The following CCDC178 variants were observed in gnomAD, a reference collection of about 807,000 sequenced individuals.
CCDC178 encodes coiled-coil domain-containing protein 178.
A neutral mutation model predicts 117.4 loss-of-function variants in CCDC178; 126 were observed. The ratio of observed to expected loss-of-function variants is 1.07; its 90% CI spans 0.93 to 1.24. CCDC178 has a LOEUF of 1.24. Ranked by LOEUF, CCDC178 falls within the 50% of genes most tolerant of loss-of-function variation. CCDC178 has a pLI of 0.00. For missense variants in CCDC178, 1,030 were observed against 986.9 expected, an observed-to-expected ratio of 1.04 and a Z score of -0.59; for synonymous variants, 283 against 313.4, an observed-to-expected ratio of 0.90 and a Z score of 1.02.
intron 14 of CCDC178, among the ~76,000 whole-genome samples, chr18:33,257,676 C>T (rs1031665350): frequency 6.6e-6 from 1 of 152,096 alleles, no homozygotes; most frequent in Non-Finnish European, 1.5e-5. Context: ...TTCATGTTCT[C>T]CATTGTCCAT....
intron 18 of CCDC178, among the ~76,000 whole-genome samples, chr18:33,216,504 A>G (rs2059167040): frequency 6.6e-6 from 1 of 152,078 alleles, no homozygotes; most frequent in Non-Finnish European, 1.5e-5. Flanking sequence ...CCCCACATTC[A>G]GCATGGCTGC....
At chr18:33,315,524 A>T (rs1304034211) in intron 11 of CCDC178, among the ~76,000 whole-genome samples, 1 of 152,042 alleles carries the variant, frequency 6.6e-6, no homozygotes, top group East Asian at 1.9e-4. Context: ...AAACTCTCTG[A>T]TCTCTTTTAT....
intron 18 of CCDC178, among the ~76,000 whole-genome samples, chr18:33,217,548 A>G (rs1487006194): frequency 1.3e-5 from 2 of 151,854 alleles, no homozygotes; most frequent in Admixed American, 6.6e-5. Flanking sequence ...TTAAATCAAA[A>G]TCATTTATTG....
At chr18:33,350,536 C>T (rs1390926150) in intron 7 of CCDC178, among the ~76,000 whole-genome samples, 2 of 152,052 alleles carry the variant, frequency 1.3e-5, no homozygotes, top group African/African-American at 2.4e-5. Context: ...ATATAAGTGA[C>T]CTTTCGTGAC....
chr18:33,063,284 C>A (rs753193661), intron 21 of CCDC178, among the ~76,000 whole-genome samples: 5 of 152,114 alleles, frequency 3.3e-5, no homozygotes, highest in Admixed American at 6.5e-5. Context: ...CCCAGCATGT[C>A]ATCTGGGGGT....
intron 12 of CCDC178, among the ~76,000 whole-genome samples, chr18:33,268,781 T>C (rs1376966270): frequency 1.3e-5 from 2 of 151,300 alleles, no homozygotes; most frequent in Non-Finnish European, 3.0e-5. Flanking sequence ...GAAAACTCCC[T>C]CTTATATAAA....
At chr18:33,088,442 G>A (rs947679868) in intron 21 of CCDC178, among the ~76,000 whole-genome samples, 2 of 147,514 alleles carry the variant, frequency 1.4e-5, no homozygotes, top group Admixed American at 6.8e-5. Context: ...CATCTATTTA[G>A]ATCTTCTTTG....
Position 33,211,878 on chromosome 18 carries a change from T to G in CCDC178, c.2238+18A>C. On this transcript the variant is annotated intron_variant, in intron 20 of 22. Transcript: ENST00000383096. ...ACTATATTCCTTTCATTTTGAAACA[T>G]GCAAAAATAATACTCACTTGGGTAT... 1 of 1,589,674 alleles carries G rather than the reference T, an allele frequency of 6.3e-7. No individual in the cohort carries two copies.
intron 22 of CCDC178, chr18:32,958,173 T>G: frequency 1.7e-6 from 1 of 580,310 alleles, no homozygotes; most frequent in Non-Finnish European, 3.2e-6. Context: ...TTCATAATTA[T>G]TTTTGTACTT....
At position 33,369,911 on chromosome 18, in the gene CCDC178, T is replaced by C. The variant is rs1374214204; in HGVS notation, c.348+139A>G. ...AAAACATGTCTAGACTAGTAAATGATGCAACTGAGCAAAGATTCTTAAAAA... is the reference window on the plus strand; with the variant it reads ...AAAACATGTCTAGACTAGTAAATGACGCAACTGAGCAAAGATTCTTAAAAA... On this transcript the variant is annotated intron_variant, in intron 6 of 22. Transcript: ENST00000383096. The C allele has an allele frequency of 4.6e-6, 3 of 658,918 alleles. No homozygotes were observed. The African/African-American group carries it at 5.7e-5, about 13-fold the overall frequency. 40.8% of individuals were successfully genotyped at this position (658,918 alleles called of 1,614,324 possible). A position where few individuals can be genotyped will look rare whatever the true frequency, so the allele number is the denominator to read the frequency against.
chr18:33,094,663 A>T (rs960686888), intron 20 of CCDC178, among the ~76,000 whole-genome samples: 1 of 151,988 alleles, frequency 6.6e-6, no homozygotes, highest in East Asian at 1.9e-4. Flanking sequence ...ATTTTATAAT[A>T]TATACTTTGC....
chr18:33,034,882 T>G (rs1302382402), intron 21 of CCDC178, among the ~76,000 whole-genome samples: 1 of 152,048 alleles, frequency 6.6e-6, no homozygotes, highest in Non-Finnish European at 1.5e-5. Flanking sequence ...CATTACACAC[T>G]CATTCAATAC....
intron 20 of CCDC178, among the ~76,000 whole-genome samples, chr18:33,167,946 T>G (rs1382692703): frequency 6.6e-6 from 1 of 152,004 alleles, no homozygotes; most frequent in African/African-American, 2.4e-5. Flanking sequence ...AATGGGTATT[T>G]TTTTCTTGTA....
intron 20 of CCDC178, among the ~76,000 whole-genome samples, chr18:33,114,892 A>T (rs2057833187): frequency 6.6e-6 from 1 of 152,048 alleles, no homozygotes; most frequent in Non-Finnish European, 1.5e-5. Context: ...CCAAAATAGC[A>T]AGGGAAAAAG....
intron 22 of CCDC178, among the ~76,000 whole-genome samples, chr18:32,944,405 T>C (rs1036748079): frequency 6.6e-6 from 1 of 152,190 alleles, no homozygotes; most frequent in African/African-American, 2.4e-5. Flanking sequence ...TGATGACAGA[T>C]ACTGCACACC....
At chr18:33,221,055 A>G (rs1017862842) in intron 18 of CCDC178, among the ~76,000 whole-genome samples, 5 of 152,042 alleles carry the variant, frequency 3.3e-5, no homozygotes, top group Non-Finnish European at 7.4e-5. Context: ...TAGCCCATGA[A>G]CCCTGCAATT....
Position 33,224,878 on chromosome 18 carries a change from T to C in CCDC178, c.1715A>G (p.Asn572Ser). The change falls in exon 17 of 23, where the codon AAT (asparagine) becomes AGT (serine). Residue 572 changes from asparagine to serine, a missense_variant. Physicochemically the swap from Asn to Ser is conservative, Grantham distance 46. Transcript: ENST00000383096. The part of the protein sequence containing the change: ...QALERKELIK[N>S]RAICAMSLAE... ...CAGTGACATGGCACATATTGCTCTA[T>C]TTTTTATAAGCTCTTTCCGCTCAAG... is the stretch of plus-strand genomic sequence containing the variant. 6.4e-7 allele frequency: 1 copy of C among 1,572,606 alleles called. No individual in the cohort carries two copies.
rs181344235 is a variant in CCDC178, at chr18:33,092,663, C to A, written c.2388+98G>T. 159 of 685,686 alleles carry A rather than the reference C, an allele frequency of 2.3e-4. No individual in the cohort carries two copies. The East Asian group carries it at 4.1e-3, about 18-fold the overall frequency. 42.5% of individuals were successfully genotyped at this position (685,686 alleles called of 1,614,324 possible). On this transcript the variant is annotated intron_variant, in intron 21 of 22. Transcript: ENST00000383096. The stretch of plus-strand genomic sequence containing the variant: ...AGAAAATAGGCCATGTTGTGGATAT[C>A]ATCGTCAGATCAGAGGCACCCAAAC...
intron 2 of CCDC178, among the ~76,000 whole-genome samples, chr18:33,429,757 T>A (rs1316192211): frequency 6.6e-6 from 1 of 152,186 alleles, no homozygotes; most frequent in African/African-American, 2.4e-5. Context: ...TGTAAATCAC[T>A]TATCTTCAAT....
Sources: allele counts gnomAD v4.1 joint callset (sites outside exome capture counted in the v4.1 genomes callset), GRCh38; gene constraint gnomAD v4.1.1; transcripts MANE v1.5; gene names NCBI Gene and HGNC (gene_info 2026-07-23, HGNC 2026-07-21).